Variants in DOP1B observed in about 807,000 individuals in gnomAD.
DOP1B encodes the protein DOP1 leucine zipper like protein B.
DOP1B carries 174 observed loss-of-function variants against 233.5 expected under a neutral mutation model. The ratio of observed to expected loss-of-function variants is 0.75; its 90% CI spans 0.66 to 0.85. The LOEUF (loss-of-function observed/expected upper bound fraction) is 0.85, where lower values mean the gene tolerates loss of function less well. Among genes scored for constraint, DOP1B ranks in the 40% least tolerant of loss-of-function variants. The pLI is 0.00. For missense variants in DOP1B, 2,652 were observed against 2,846.6 expected, an observed-to-expected ratio of 0.93 and a Z score of 1.56; for synonymous variants, 1,190 against 1,185.6, an observed-to-expected ratio of 1.00 and a Z score of -0.08.
intron 26 of DOP1B, among the ~76,000 whole-genome samples, chr21:36,265,436 A>G (rs931587470): frequency 6.6e-6 from 1 of 152,114 alleles, no homozygotes; most frequent in African/African-American, 2.4e-5. Flanking sequence ...CATAAAGCAT[A>G]ATTAGAAAAT....
chr21:36,176,525 AAC>A (rs1350984650), intron 2 of DOP1B, among the ~76,000 whole-genome samples: 2 of 152,116 alleles, frequency 1.3e-5, no homozygotes, highest in African/African-American at 4.8e-5. Context: ...ATTTTCTAGC[AAC>A]CTTTGTTCTG....
At chr21:36,253,677 C>A in intron 22 of DOP1B, 95 bp from the exon 23 acceptor site, 1 of 1,339,306 alleles carries the variant, frequency 7.5e-7, no homozygotes, top group Non-Finnish European at 1.0e-6. Flanking sequence ...TTGATTTCTC[C>A]AGGGACGACT....
chr21:36,187,207 T>TCCCCTCCTCTCCCC (rs1569008079), intron 2 of DOP1B, among the ~76,000 whole-genome samples: 3 of 139,838 alleles, frequency 2.1e-5, no homozygotes, highest in African/African-American at 5.2e-5. Flanking sequence ...CTCCCCTCCC[T>TCCCCTCCTCTCCCC]TCCCCTCCTC....
intron 27 of DOP1B, among the ~76,000 whole-genome samples, chr21:36,273,945 GCAGGT>G (rs2067320337): frequency 6.6e-6 from 1 of 152,112 alleles, no homozygotes; most frequent in South Asian, 2.1e-4. Flanking sequence ...GGGTGTGGTG[GCAGGT>G]ACCTGTAGTC....
intron 26 of DOP1B, among the ~76,000 whole-genome samples, chr21:36,264,135 T>C (rs1182795442): frequency 2.0e-5 from 3 of 152,216 alleles, no homozygotes; most frequent in Non-Finnish European, 4.4e-5. Context: ...GAAATCTTAT[T>C]TCCCCCCAGA....
At chr21:36,168,549 T>G (rs2065938358) in intron 2 of DOP1B, among the ~76,000 whole-genome samples, 2 of 151,978 alleles carry the variant, frequency 1.3e-5, no homozygotes, top group Non-Finnish European at 2.9e-5. Context: ...TTTTTTTTTT[T>G]TTGACACTCG....
At chr21:36,278,407 G>A (rs1227077045) in intron 30 of DOP1B, 52 bp downstream of exon 30, 1 of 1,555,468 alleles carries the variant, frequency 6.4e-7, no homozygotes, top group African/African-American at 1.4e-5. Context: ...AGGTGGAAAT[G>A]GCATTTTGGT....
At chr21:36,274,136 A>G (rs1406481807) in intron 27 of DOP1B, among the ~76,000 whole-genome samples, 1 of 151,006 alleles carries the variant, frequency 6.6e-6, no homozygotes, top group Admixed American at 6.7e-5. Flanking sequence ...AGGTAGCCTT[A>G]AAGTACTTAG....
Position 36,237,338 on chromosome 21 carries a change from A to G in DOP1B, c.2699A>G (p.Tyr900Cys), listed in dbSNP as rs774081418. ...EHHVTCVELF[Y>C]RLHCLAPTAN... ...CACGTCACCTGCGTAGAATTGTTCT[A>G]CCGGCTGCACTGCCTGGCCCCTACG... Residue 900 changes from tyrosine to cysteine, a missense_variant, in exon 16 of 37, where the codon TAC (tyrosine) becomes TGC (cysteine). Physicochemically the swap from Tyr to Cys is radical, Grantham distance 194. This residue lies in a region of DOP1B where 2,617 missense variants were observed against 2,794.3 expected (regional missense o/e 0.94). Transcript: ENST00000691173. 2 of 1,614,090 alleles carry G rather than the reference A, an allele frequency of 1.2e-6. No individual in the cohort carries two copies. The highest frequency in any genetic ancestry group is 2.2e-5 in the South Asian group (2 of 91,078).
chr21:36,285,715 A>G (rs2067473969), intron 32 of DOP1B, among the ~76,000 whole-genome samples: 1 of 152,116 alleles, frequency 6.6e-6, no homozygotes, highest in Middle Eastern at 3.4e-3. Context: ...TTTGGGCCCA[A>G]TTAAAAGAGG....
chr21:36,199,172 T>C lies in DOP1B; in HGVS notation c.241T>C (p.Leu81=). 1.9e-6 allele frequency: 3 copies of C among 1,614,196 alleles called. No homozygotes were observed. Among genetic ancestry groups the C allele is most frequent in the Non-Finnish European group, 2.5e-6 (3 of 1,180,046 alleles). The change falls in exon 3 of 37, where the codon TTA becomes CTA. Residue 81 remains leucine (L), a synonymous_variant. Coordinates refer to ENST00000691173, the MANE Select transcript of DOP1B (RefSeq NM_001320714.2). ...LHPALPSGVH[L]KALETYEIIF... is the part of the protein sequence containing the mutation. ...CCCTGCCCTGCCCAGTGGTGTCCAC[T>C]TAAAAGCTCTGGAAACCTACGAGAT...
intron 17 of DOP1B, among the ~76,000 whole-genome samples, chr21:36,238,930 C>T (rs930249266): frequency 6.6e-6 from 1 of 152,126 alleles, no homozygotes; most frequent in Admixed American, 6.5e-5. Context: ...TGGTGAAACC[C>T]CATCTCTACC....
At chr21:36,221,147 C>G (rs1428150177) in intron 10 of DOP1B, among the ~76,000 whole-genome samples, 1 of 152,050 alleles carries the variant, frequency 6.6e-6, no homozygotes, top group African/African-American at 2.4e-5. Flanking sequence ...GTGAGTAGCT[C>G]TACACTATTC....
At position 36,230,846 on chromosome 21, in the gene DOP1B, A is replaced by C. The variant is rs1207870360; in HGVS notation, c.2062A>C (p.Thr688Pro). 3 of 1,614,100 alleles carry C rather than the reference A, an allele frequency of 1.9e-6. No individual in the cohort carries two copies. The South Asian group carries it at 3.3e-5, about 18-fold the overall frequency. Residue 688 changes from threonine (T) to proline (P), a missense_variant, in exon 14 of 37, where the codon ACT (threonine) becomes CCT (proline). Around this residue, in one of 3 missense-constraint regions of DOP1B, gnomAD observed 2,617 missense variants for 2,794.3 expected, o/e 0.94. Coordinates refer to ENST00000691173, the MANE Select transcript of DOP1B (RefSeq NM_001320714.2). The stretch of plus-strand genomic sequence containing the variant: ...GAACTCTTGGGAGCCCAAGCCCATC[A>C]CTGTGCCTCAGTTCAAGCAGATGCT... ...RKNSWEPKPI[T>P]VPQFKQMLSD... is the part of the protein sequence containing the mutation.
At chr21:36,200,672 C>T (rs566532533) in intron 4 of DOP1B, among the ~76,000 whole-genome samples, 171 bp downstream of exon 4, 5 of 152,184 alleles carry the variant, frequency 3.3e-5, no homozygotes, top group African/African-American at 1.2e-4. Context: ...TGAAACCCTG[C>T]CTCTACTAAA....
chr21:36,247,710 C>A lies in DOP1B; in HGVS notation c.4809+82C>A, dbSNP rs189180843. On this transcript the variant is annotated intron_variant, in intron 20 of 36. Coordinates refer to ENST00000691173, the MANE Select transcript of DOP1B (RefSeq NM_001320714.2). ...GGCTATGACTGTTTCAAATAAGTAA[C>A]GTATGTATGTAATGTCTGTAACTAA... 1.4e-5 allele frequency: 14 copies of A among 1,004,360 alleles called. No homozygotes were observed. In the East Asian group the frequency reaches 2.9e-4, roughly 21 times the overall value. The allele number at this position is 1,004,360 out of a possible 1,614,324, so 62.2% of individuals were successfully genotyped here. A position where few individuals can be genotyped will look rare whatever the true frequency, so the allele number is the denominator to read the frequency against.
intron 14 of DOP1B, among the ~76,000 whole-genome samples, chr21:36,232,076 C>G (rs2284632): frequency 0.069 from 10,537 of 152,084 alleles, 662 homozygotes; most frequent in East Asian, 0.25. Flanking sequence ...AATCTTTTGA[C>G]CTCGCGATCC....
At chr21:36,203,281 TG>T (rs2066390628) in intron 4 of DOP1B, among the ~76,000 whole-genome samples, 1 of 152,218 alleles carries the variant, frequency 6.6e-6, no homozygotes, top group South Asian at 2.1e-4. Context: ...CCAAGGTGGA[TG>T]CAGGTGAAAG....
chr21:36,211,573 C>G lies in DOP1B; in HGVS notation c.702C>G (p.Ser234=). The G allele has an allele frequency of 6.2e-7, 1 of 1,614,182 alleles. No individual in the cohort carries two copies. The change falls in exon 6 of 37, where the codon TCC becomes TCG. Residue 234 remains serine, a synonymous_variant. Transcript: ENST00000691173. The part of the protein sequence containing the change: ...HQLTVKSLRA[S]LLDSNVLVQR... The stretch of plus-strand genomic sequence containing the variant: ...TACAGGTGAAGTCTTTGCGTGCCTC[C>G]CTGTTGGACTCAAATGTTCTTGTGC...
Sources: gnomAD v4.1 joint callset for allele counts (sites outside exome capture counted in the v4.1 genomes callset) on GRCh38, gnomAD v4.1.1 for gene constraint, gnomAD v4.1.1 regional missense constraint, MANE v1.5 for transcripts, NCBI Gene and HGNC (gene_info 2026-07-23, HGNC 2026-07-21) for gene names.